Variants in LINGO2 observed in about 807,000 individuals in gnomAD.
LINGO2 encodes leucine rich repeat and Ig domain containing 2.
LINGO2 carries 14 observed loss-of-function variants against 30.6 expected under a neutral mutation model. The observed-to-expected ratio is 0.46, with a 90% CI of 0.30 to 0.72. The LOEUF (loss-of-function observed/expected upper bound fraction) is 0.72. Ranked by LOEUF, LINGO2 falls within the 30% of genes least tolerant of loss-of-function variation. The pLI is 0.07. For synonymous variants in LINGO2, 317 were observed against 288.5 expected, an observed-to-expected ratio of 1.10 and a Z score of -1.00; for missense variants, 729 against 751.7, an observed-to-expected ratio of 0.97 and a Z score of 0.35.
chr9:28,585,225 T>G (rs778783300), intron 1 of LINGO2, among the ~76,000 whole-genome samples: 36 of 152,056 alleles, frequency 2.4e-4, no homozygotes, highest in Non-Finnish European at 4.9e-4. Flanking sequence ...TTGGAAATCA[T>G]TCTGTTTTAA....
chr9:28,364,432 C>T (rs370996406), intron 3 of LINGO2, among the ~76,000 whole-genome samples: 1 of 151,948 alleles, frequency 6.6e-6, no homozygotes, highest in African/African-American at 2.4e-5. Context: ...CTGAAGCTGA[C>T]ATCAAGCACT....
At chr9:29,137,476 G>T in the LINGO2 span, among the ~76,000 whole-genome samples, 4 of 152,146 alleles carry the variant, frequency 2.6e-5, no homozygotes, top group Non-Finnish European at 5.9e-5. Context: ...AGAATGATTT[G>T]TAAGTAAAAT....
chr9:28,717,185 T>C, the LINGO2 span, among the ~76,000 whole-genome samples: 1 of 151,958 alleles, frequency 6.6e-6, no homozygotes, highest in South Asian at 2.1e-4. Flanking sequence ...TAATGGCTGC[T>C]TTAACCCTAT....
At chr9:28,914,584 C>T in the LINGO2 span, among the ~76,000 whole-genome samples, 1 of 152,042 alleles carries the variant, frequency 6.6e-6, no homozygotes, top group South Asian at 2.1e-4. Context: ...TTCACTTATA[C>T]ATGGATTTTT....
In LINGO2 at chr9:28,483,996, C is replaced by T. The variant is rs546310464; in HGVS notation, c.-364-7971G>A. Among the ~76,000 whole-genome samples, 7 of 152,016 alleles carry T rather than the reference C, an allele frequency of 4.6e-5. No individual in the cohort carries two copies. The Admixed American group carries it at 4.6e-4, about 10-fold the overall frequency. The stretch of plus-strand genomic sequence containing the variant: ...TAACTTAAGTAGAGAGAAAGAAATA[C>T]CACCTCAATATACCAGGCTAAGCTT... On this transcript the variant is annotated intron_variant, in intron 1 of 5. Transcript: ENST00000379992.
chr9:28,867,164 A>C, the LINGO2 span, among the ~76,000 whole-genome samples: 1 of 152,136 alleles, frequency 6.6e-6, no homozygotes. Context: ...CTGCTGGTAA[A>C]CTGAGTGGGA....
At chr9:28,397,570 C>T (rs1310057662) in intron 2 of LINGO2, among the ~76,000 whole-genome samples, 12 of 99,562 alleles carry the variant, frequency 1.2e-4, no homozygotes, top group Non-Finnish European at 1.8e-4. Flanking sequence ...TTTTTTGAGA[C>T]GGAGTCTCAG....
chr9:28,748,081 G>T, the LINGO2 span, among the ~76,000 whole-genome samples: 1 of 151,964 alleles, frequency 6.6e-6, no homozygotes, highest in Non-Finnish European at 1.5e-5. Context: ...TGGTGACAGG[G>T]TTCTTATTGA....
In LINGO2 at chr9:28,032,921, T is replaced by G. The variant is rs116347215; in HGVS notation, c.-86-20516A>C. On this transcript the variant is annotated intron_variant, in intron 4 of 5. Coordinates refer to ENST00000379992, the Ensembl canonical transcript of LINGO2. ...CTGCCTTCTTTTGTCTGAGAAAGAT[T>G]TGTGCCTGAAAGTTTTAGGAGACAG... 5.8e-3 allele frequency among the ~76,000 whole-genome samples: 876 copies of G among 152,326 alleles called. 7 individuals carry two copies. The highest frequency in any genetic ancestry group is 0.02 in the African/African-American group (829 of 41,568).
At chr9:28,085,146 T>C (rs944727063) in intron 4 of LINGO2, among the ~76,000 whole-genome samples, 1 of 152,128 alleles carries the variant, frequency 6.6e-6, no homozygotes, top group Non-Finnish European at 1.5e-5. Flanking sequence ...CTGAAGTTCA[T>C]GGTAATGAAC....
the LINGO2 span, among the ~76,000 whole-genome samples, chr9:29,137,452 G>A: frequency 6.6e-6 from 1 of 152,148 alleles, no homozygotes; most frequent in Admixed American, 6.6e-5. Flanking sequence ...AATAAGGTGT[G>A]TGTATAGGGG....
chr9:29,193,684 C>T, the LINGO2 span, among the ~76,000 whole-genome samples: 5 of 152,068 alleles, frequency 3.3e-5, no homozygotes, highest in Admixed American at 1.3e-4. Flanking sequence ...TACTGTTTTC[C>T]CTGTCTCATT....
chr9:28,428,835 T>C (rs1823524841), intron 2 of LINGO2, among the ~76,000 whole-genome samples: 1 of 152,150 alleles, frequency 6.6e-6, no homozygotes, highest in Non-Finnish European at 1.5e-5. Context: ...TGCATAATAA[T>C]GAAATTAATA....
chr9:28,311,569 A>G (rs1047031450), intron 3 of LINGO2, among the ~76,000 whole-genome samples: 3 of 152,164 alleles, frequency 2.0e-5, no homozygotes, highest in African/African-American at 7.2e-5. Context: ...GCTGAGAAAA[A>G]GAATTCAGCG....
chr9:29,038,059 T>C, the LINGO2 span, among the ~76,000 whole-genome samples: 2 of 152,026 alleles, frequency 1.3e-5, no homozygotes, highest in Non-Finnish European at 2.9e-5. Context: ...TTTCCAGATT[T>C]TGAATATTAC....
intron 4 of LINGO2, among the ~76,000 whole-genome samples, chr9:28,019,023 A>G (rs1587701763): frequency 6.6e-6 from 1 of 152,198 alleles, no homozygotes; most frequent in Middle Eastern, 3.4e-3. Context: ...TGAACACAGG[A>G]ACAGAAAACC....
At chr9:29,008,114 C>T in the LINGO2 span, among the ~76,000 whole-genome samples, 8 of 152,046 alleles carry the variant, frequency 5.3e-5, no homozygotes, top group East Asian at 1.9e-4. Flanking sequence ...GTGTGATGTT[C>T]CCCACCCTGT....
the LINGO2 span, among the ~76,000 whole-genome samples, chr9:29,025,472 C>G: frequency 6.6e-6 from 1 of 152,030 alleles, no homozygotes; most frequent in African/African-American, 2.4e-5. Context: ...TAGCTGATTT[C>G]CAAGACAATA....
rs1034292533 is a variant in LINGO2, at chr9:28,530,531, G to A, written c.-364-54506C>T. ...CATGCACAGGTTGACCTAATTAACAGTATAAAGTTGTTTCTTTCAAAGTGC... is the reference window on the plus strand; with the variant it reads ...CATGCACAGGTTGACCTAATTAACAATATAAAGTTGTTTCTTTCAAAGTGC... On this transcript the variant is annotated intron_variant, in intron 1 of 5. Coordinates refer to ENST00000379992, the Ensembl canonical transcript of LINGO2. 1.2e-4 allele frequency among the ~76,000 whole-genome samples: 18 copies of A among 152,140 alleles called. 1 individual carries two copies. The highest frequency in any genetic ancestry group is 3.9e-4 in the African/African-American group (16 of 41,440).
Sources: gnomAD v4.1 joint callset for allele counts (sites outside exome capture counted in the v4.1 genomes callset) on GRCh38, gnomAD v4.1.1 for gene constraint, MANE v1.5 for transcripts, NCBI Gene and HGNC (gene_info 2026-07-23, HGNC 2026-07-21) for gene names.